PKP4: variants seen among roughly 807,000 people sequenced by gnomAD.
PKP4 encodes the protein plakophilin 4.
A neutral mutation model predicts 145.1 loss-of-function variants in PKP4; 90 were observed. The ratio of observed to expected loss-of-function variants is 0.62; its 90% confidence interval spans 0.52 to 0.74. The LOEUF is 0.74. PKP4 is among the 30% of genes least tolerant of loss of function. The pLI is 0.00. For missense variants in PKP4, 1,340 were observed against 1,482.7 expected, an observed-to-expected ratio of 0.90 and a Z score of 1.58; for synonymous variants, 563 against 577.2, an observed-to-expected ratio of 0.98 and a Z score of 0.35.
chr2:158,654,235 T>A (rs927112713), intron 11 of PKP4, among the ~76,000 whole-genome samples: 7 of 152,162 alleles, frequency 4.6e-5, no homozygotes, highest in African/African-American at 1.7e-4. Context: ...GAGGATAATA[T>A]AACACACAAT....
At chr2:158,561,311 C>T (rs1163401721) in intron 2 of PKP4, among the ~76,000 whole-genome samples, 2 of 152,138 alleles carry the variant, frequency 1.3e-5, no homozygotes, top group Non-Finnish European at 2.9e-5. Flanking sequence ...AACTGCTGCT[C>T]TAGGATATTA....
In PKP4 at chr2:158,502,750, G is replaced by A. The variant is rs74712358; in HGVS notation, c.-5-30430G>A. On this transcript the variant is annotated intron_variant, in intron 1 of 21. Coordinates refer to ENST00000389759, the MANE Select transcript of PKP4 (RefSeq NM_003628.6). The stretch of plus-strand genomic sequence containing the variant: ...GGTGGTTCAAAAGTTGGGTTAACCC[G>A]CATGCTGATAGGAGTTAATGGTGAT... Among the ~76,000 whole-genome samples the A allele has an allele frequency of 5.5e-3, 843 of 152,276 alleles. 10 individuals carry two copies. Among genetic ancestry groups the A allele is most frequent in the African/African-American group, 0.019 (803 of 41,550 alleles).
chr2:158,663,523 CTCAG>C (rs2056804859), intron 15 of PKP4, 78 bp downstream of exon 15: 1 of 1,292,338 alleles, frequency 7.7e-7, no homozygotes, highest in Non-Finnish European at 1.1e-6. Flanking sequence ...TATGTTCTGC[CTCAG>C]TCAGATCAGC....
At chr2:158,528,683 A>AAAG (rs1553561926) in intron 1 of PKP4, among the ~76,000 whole-genome samples, 7 of 149,910 alleles carry the variant, frequency 4.7e-5, no homozygotes, top group African/African-American at 7.3e-5. Flanking sequence ...AAAAAAAAAA[A>AAAG]AAAGAGACCT....
At chr2:158,507,892 G>A (rs969741238) in intron 1 of PKP4, among the ~76,000 whole-genome samples, 2 of 152,076 alleles carry the variant, frequency 1.3e-5, no homozygotes, top group African/African-American at 4.8e-5. Flanking sequence ...GTTGCTCTCC[G>A]TGGTGAGCTT....
chr2:158,578,848 C>T (rs558807579), intron 3 of PKP4, among the ~76,000 whole-genome samples: 15 of 152,010 alleles, frequency 9.9e-5, no homozygotes, highest in African/African-American at 2.4e-4. Context: ...AGGGAAAATC[C>T]CCAGATATTG....
At chr2:158,678,844 A>C (rs546990218) in intron 21 of PKP4, 190 bp downstream of exon 21, 31 of 617,156 alleles carry the variant, frequency 5.0e-5, no homozygotes, top group Non-Finnish European at 7.7e-5. Flanking sequence ...CACGTTCTTG[A>C]GTATCCACAT....
intron 4 of PKP4, among the ~76,000 whole-genome samples, chr2:158,611,617 T>C (rs1345466770): frequency 6.6e-6 from 1 of 152,186 alleles, no homozygotes; most frequent in African/African-American, 2.4e-5. Context: ...TGAAACACTT[T>C]ATGCCTCAGT....
At chr2:158,647,072 A>C (rs559921354) in intron 11 of PKP4, among the ~76,000 whole-genome samples, 1 of 152,274 alleles carries the variant, frequency 6.6e-6, no homozygotes, top group East Asian at 1.9e-4. Context: ...GTCTGCTCTG[A>C]ACTCAGGCTG....
intron 4 of PKP4, among the ~76,000 whole-genome samples, chr2:158,603,539 G>A (rs950297631): frequency 6.6e-6 from 1 of 152,104 alleles, no homozygotes; most frequent in African/African-American, 2.4e-5. Flanking sequence ...CTAACATAGT[G>A]TGGTAGCTTT....
At position 158,513,842 on chromosome 2, in the gene PKP4, A is replaced by G. The variant is rs114626818; in HGVS notation, c.-5-19338A>G. ...AGTTTTCTTTCTCTTTTTCTCCCCC[A>G]CCCCGCTTCCACCCCAATTTTAGAC... On this transcript the variant is annotated intron_variant, in intron 1 of 21. Coordinates refer to ENST00000389759, the MANE Select transcript of PKP4 (RefSeq NM_003628.6). Among the ~76,000 whole-genome samples the G allele has an allele frequency of 9.1e-3, 1,374 of 151,364 alleles. 22 individuals are homozygous for G. Among genetic ancestry groups the G allele is most frequent in the African/African-American group, 0.031 (1,263 of 41,186 alleles).
chr2:158,486,033 A>T (rs1454921391), intron 1 of PKP4, among the ~76,000 whole-genome samples: 2 of 152,200 alleles, frequency 1.3e-5, no homozygotes, highest in African/African-American at 4.8e-5. Context: ...GTAATTATTA[A>T]TAGTGGAGTT....
At chr2:158,581,694 A>G (rs2048348854) in intron 3 of PKP4, among the ~76,000 whole-genome samples, 1 of 152,190 alleles carries the variant, frequency 6.6e-6, no homozygotes, top group Non-Finnish European at 1.5e-5. Flanking sequence ...AACCCATGCC[A>G]GAAGATGTTT....
Position 158,669,761 on chromosome 2 carries a change from G to A in PKP4, c.2770G>A (p.Gly924Ser), listed in dbSNP as rs767593089. ...AGACCTGGTCAACCGGCTCCCCGGC[G>A]GCAATGGCCCCAGTGTCTTGTCTGA... ...MRDLVNRLPG[G>S]NGPSVLSDET... Residue 924 changes from glycine to serine, a missense_variant, in exon 17 of 22, where the codon GGC (glycine) becomes AGC (serine). Coordinates refer to ENST00000389759, the MANE Select transcript of PKP4 (RefSeq NM_003628.6). The A allele has an allele frequency of 1.8e-5, 29 of 1,603,116 alleles. No homozygotes were observed. Among genetic ancestry groups the A allele is most frequent in the Middle Eastern group, 1.7e-4 (1 of 6,050 alleles).
intron 20 of PKP4, among the ~76,000 whole-genome samples, chr2:158,677,536 A>T (rs1447596976): frequency 2.0e-5 from 3 of 152,222 alleles, no homozygotes; most frequent in South Asian, 4.1e-4. Context: ...ACTACTTTAG[A>T]TGTTCCAAAT....
intron 7 of PKP4, among the ~76,000 whole-genome samples, chr2:158,630,564 T>C (rs897120110): frequency 2.0e-5 from 3 of 152,256 alleles, no homozygotes; most frequent in Non-Finnish European, 4.4e-5. Flanking sequence ...GTAAAAATTA[T>C]ATGTGAGTTA....
chr2:158,500,266 G>T (rs1696353889), intron 1 of PKP4, among the ~76,000 whole-genome samples: 1 of 152,186 alleles, frequency 6.6e-6, no homozygotes, highest in Non-Finnish European at 1.5e-5. Flanking sequence ...CAGTGTTTCT[G>T]TAGAGAAAGC....
At chr2:158,572,843 A>G (rs1050420414) in intron 2 of PKP4, among the ~76,000 whole-genome samples, 4 of 152,268 alleles carry the variant, frequency 2.6e-5, no homozygotes, top group African/African-American at 9.6e-5. Flanking sequence ...TTTAAGGCCC[A>G]GAATGCCAGC....
chr2:158,662,786 AAGT>A, intron 13 of PKP4, 108 bp from the exon 14 acceptor site: 3 of 755,794 alleles, frequency 4.0e-6, no homozygotes, highest in Non-Finnish European at 6.1e-6. Flanking sequence ...CATAAATAAA[AAGT>A]AGTTCTTTCA....
Sources: allele counts gnomAD v4.1 joint callset (sites outside exome capture counted in the v4.1 genomes callset), GRCh38; gene constraint gnomAD v4.1.1; transcripts MANE v1.5; gene names NCBI Gene and HGNC (gene_info 2026-07-23, HGNC 2026-07-21).